Variants in CFAP47 observed in about 807,000 individuals in gnomAD.
CFAP47 encodes the protein cilia- and flagella-associated protein 47.
In CFAP47, 29 loss-of-function variants were observed where a neutral mutation model predicts 148.1. That is an observed-to-expected ratio of 0.20 (90% CI 0.15 to 0.27). The LOEUF (loss-of-function observed/expected upper bound fraction) is 0.27. CFAP47 is among the 10% of genes least tolerant of loss of function. The probability of loss-of-function intolerance (pLI) is 1.00; values close to 1 mark genes in which losing one functional copy is unlikely to be tolerated. For synonymous variants in CFAP47, 664 were observed against 577.3 expected (o/e 1.15, Z -2.15); for missense variants, 1,872 against 1,697.5 (o/e 1.10, Z -1.81).
chrX:36,134,835 CT>C, intron 33 of CFAP47, among the ~76,000 whole-genome samples: 1 of 110,705 alleles, frequency 9.0e-6, no homozygotes, highest in East Asian at 2.9e-4. Context: ...CCACAAATTT[CT>C]TGTATGCAGG....
Position 35,987,804 on chromosome X carries a change from C to A in CFAP47, c.2714-1515C>A, listed in dbSNP as rs1041085614. ...CCATGGGGAAAGTGTAGTGTCTGGG[C>A]TGGAACGCACCATCCCTCACGGCAA... is the stretch of plus-strand genomic sequence containing the variant. On this transcript the variant is annotated intron_variant, in intron 15 of 63. Coordinates refer to ENST00000378653, the MANE Select transcript of CFAP47 (RefSeq NM_001304548.2). Among the ~76,000 whole-genome samples, 5 of 111,701 alleles carry A rather than the reference C, an allele frequency of 4.5e-5. No individual in the cohort carries two copies. In the Admixed American group the frequency reaches 4.7e-4, roughly 11 times the overall value.
At chrX:36,202,458 A>G (rs1338372249) in intron 44 of CFAP47, among the ~76,000 whole-genome samples, 1 of 111,500 alleles carries the variant, frequency 9.0e-6, no homozygotes, top group African/African-American at 3.3e-5. Flanking sequence ...CCACTCCCTC[A>G]GCACATGCCT....
At chrX:36,114,411 G>A (rs1938605991) in intron 33 of CFAP47, among the ~76,000 whole-genome samples, 1 of 112,024 alleles carries the variant, frequency 8.9e-6, no homozygotes, top group Non-Finnish European at 1.9e-5. Flanking sequence ...TTTGGGGAAA[G>A]AAGGCACTCT....
At chrX:36,013,667 G>A (rs959042434) in intron 21 of CFAP47, among the ~76,000 whole-genome samples, 1 of 111,071 alleles carries the variant, frequency 9.0e-6, no homozygotes, top group Non-Finnish European at 1.9e-5. Context: ...TCTAGTCCAT[G>A]GCAAACACTA....
intron 49 of CFAP47, among the ~76,000 whole-genome samples, chrX:36,272,868 A>G (rs994580560): frequency 9.0e-6 from 1 of 111,622 alleles, no homozygotes; most frequent in Non-Finnish European, 1.9e-5. Flanking sequence ...TATTTTTCCA[A>G]TCAAAATTGT....
At position 36,190,204 on chromosome X, in the gene CFAP47, C is replaced by A. The variant is rs1939851273; in HGVS notation, c.6321+8C>A. On this transcript the variant is annotated splice_region_variant and intron_variant, in intron 42 of 63. Transcript: ENST00000378653. ...ATCTTGAGCAACAAAAAGGTGAGAA[C>A]AGAATTGTGATCTGTGTGTTTACAC... is the stretch of plus-strand genomic sequence containing the variant. 2 of 295,873 alleles carry A rather than the reference C, an allele frequency of 6.8e-6. No homozygotes were observed. Among genetic ancestry groups the A allele is most frequent in the African/African-American group, 5.5e-5 (2 of 36,599 alleles). 24.4% of individuals were successfully genotyped at this position (295,873 alleles called of 1,213,427 possible). A position where few individuals can be genotyped will look rare whatever the true frequency, so the allele number is the denominator to read the frequency against.
intron 2 of CFAP47, among the ~76,000 whole-genome samples, chrX:35,927,595 A>G (rs1433200937): frequency 9.5e-6 from 1 of 105,785 alleles, no homozygotes; most frequent in Admixed American, 1.0e-4. Flanking sequence ...GGTTGAAGGA[A>G]GGTGTGTGTG....
intron 33 of CFAP47, among the ~76,000 whole-genome samples, chrX:36,132,484 A>G (rs969919663): frequency 2.7e-5 from 3 of 111,794 alleles, no homozygotes; most frequent in Non-Finnish European, 3.8e-5. Flanking sequence ...CTTCCATTTG[A>G]TGTAGGTGCT....
chrX:36,298,999 C>G lies in CFAP47; in HGVS notation c.7709C>G (p.Pro2570Arg). 8.7e-7 allele frequency: 1 copy of G among 1,153,639 alleles called. No individual in the cohort carries two copies. The highest frequency in any genetic ancestry group is 1.2e-6 in the Non-Finnish European group (1 of 861,900). Residue 2570 changes from proline (P) to arginine (R), a missense_variant, in exon 52 of 64, where the codon CCT becomes CGT. By Grantham distance (103) the Pro-to-Arg change is moderately radical. Transcript: ENST00000378653. ...IALDSTCIEI[P>R]LSNPKDRGLH... is the part of the protein sequence containing the mutation. ...TAGGACAGCACTTGCATTGAAATAC[C>G]TCTCTCTAATCCAAAAGATAGAGGT... is the stretch of plus-strand genomic sequence containing the variant.
At chrX:36,307,184 C>T (rs1279120770) in intron 55 of CFAP47, among the ~76,000 whole-genome samples, 1 of 111,444 alleles carries the variant, frequency 9.0e-6, no homozygotes, top group Non-Finnish European at 1.9e-5. Context: ...AGTTTTACTA[C>T]TCAACTTTCC....
At chrX:35,920,205 T>C (rs1935556826) in intron 1 of CFAP47, among the ~76,000 whole-genome samples, 157 bp downstream of exon 1, 1 of 111,254 alleles carries the variant, frequency 9.0e-6, no homozygotes, top group African/African-American at 3.3e-5. Context: ...GTGTGTGCTC[T>C]TTTTGTTTCT....
chrX:35,957,789 A>G (rs1936268265), intron 8 of CFAP47, among the ~76,000 whole-genome samples: 1 of 112,408 alleles, frequency 8.9e-6, no homozygotes, highest in Non-Finnish European at 1.9e-5. Context: ...TGTAAGAAGT[A>G]TAGTAGACAC....
intron 62 of CFAP47, among the ~76,000 whole-genome samples, chrX:36,377,419 C>G (rs1268569755): frequency 2.7e-5 from 3 of 112,195 alleles, no homozygotes; most frequent in Non-Finnish European, 5.6e-5. Flanking sequence ...GCATAAATGT[C>G]TTCTTTTGAG....
intron 28 of CFAP47, among the ~76,000 whole-genome samples, chrX:36,072,722 T>A (rs1261886811): frequency 9.0e-6 from 1 of 111,695 alleles, no homozygotes; most frequent in Non-Finnish European, 1.9e-5. Context: ...AGTACTTGAT[T>A]TGGATAGAAA....
rs748683601 is a variant in CFAP47, at chrX:35,987,026, C to A, written c.2714-2293C>A. Among the ~76,000 whole-genome samples the A allele has an allele frequency of 9.9e-5, 11 of 111,589 alleles. No homozygotes were observed. In the East Asian group the frequency reaches 3.1e-3, roughly 32 times the overall value. ...CCAGAAGCCAGCCTAAGCCCTCCCGCATGAGGTGTCTGTTGACCCCTGCTG... is the reference window on the plus strand; with the variant it reads ...CCAGAAGCCAGCCTAAGCCCTCCCGAATGAGGTGTCTGTTGACCCCTGCTG... On this transcript the variant is annotated intron_variant, in intron 15 of 63. Transcript: ENST00000378653.
At chrX:36,041,024 G>A (rs770388042) in intron 25 of CFAP47, among the ~76,000 whole-genome samples, 1 of 111,307 alleles carries the variant, frequency 9.0e-6, no homozygotes, top group East Asian at 2.8e-4. Context: ...ACTGATATTA[G>A]GAAAGAAAAA....
intron 39 of CFAP47, among the ~76,000 whole-genome samples, chrX:36,176,877 C>A (rs1939689523): frequency 8.9e-6 from 1 of 111,898 alleles, no homozygotes; most frequent in African/African-American, 3.2e-5. Context: ...GCATTCCAGC[C>A]TGGGCGACAG....
intron 60 of CFAP47, among the ~76,000 whole-genome samples, chrX:36,354,393 A>G (rs1181102085): frequency 9.4e-6 from 1 of 106,116 alleles, no homozygotes; most frequent in East Asian, 3.0e-4. Flanking sequence ...AGGCAGGAGA[A>G]TCACTTGAAC....
intron 21 of CFAP47, 115 bp downstream of exon 21, chrX:36,001,822 G>A (rs1056207378): frequency 1.9e-5 from 5 of 259,758 alleles, no homozygotes; most frequent in South Asian, 5.2e-4. Context: ...TGACTTGTAA[G>A]CATGCCTGGG....
Sources: allele counts gnomAD v4.1 joint callset (sites outside exome capture counted in the v4.1 genomes callset), GRCh38; gene constraint gnomAD v4.1.1; transcripts MANE v1.5; gene names NCBI Gene and HGNC (gene_info 2026-07-23, HGNC 2026-07-21).